The following PPP5C variants were observed in gnomAD, a reference collection of about 807,000 sequenced individuals.
PPP5C encodes serine/threonine-protein phosphatase 5.
Under a neutral mutation model 66.7 loss-of-function variants are expected in PPP5C, and 21 were observed. That is an observed-to-expected ratio of 0.31 (90% CI 0.22 to 0.45). PPP5C has a LOEUF of 0.45. PPP5C is among the 20% of genes least tolerant of loss of function. The pLI, the probability that PPP5C is intolerant of heterozygous loss-of-function variation, is 1.00. For synonymous variants in PPP5C, 246 were observed against 257.4 expected, an observed-to-expected ratio of 0.96 and a Z score of 0.43; for missense variants, 464 against 675.9, an observed-to-expected ratio of 0.69 and a Z score of 3.48.
Position 46,383,645 on chromosome 19 carries a change from GT to G in PPP5C, c.700-132del, listed in dbSNP as rs982453084. The stretch of plus-strand genomic sequence containing the variant: ...TTTCTCTCCTGGCCTCTTGGTCTTC[GT>G]TTGTGTTCCCTGCTTGTGTCTCTTG... On this transcript the variant is annotated intron_variant, in intron 5 of 12. Transcript: ENST00000012443. This position sits in a 1 kb window ranked among gnomAD's most constrained non-coding sequence, Gnocchi z 5.0. The G allele has an allele frequency of 1.4e-4, 147 of 1,030,090 alleles. No homozygotes were observed. In the African/African-American group the frequency reaches 2.2e-3, roughly 16 times the overall value. The allele number at this position is 1,030,090 out of a possible 1,614,324, so 63.8% of individuals were successfully genotyped here.
intron 2 of PPP5C, among the ~76,000 whole-genome samples, chr19:46,370,507 C>T (rs1013644928): frequency 2.0e-5 from 3 of 152,106 alleles, no homozygotes; most frequent in Admixed American, 6.6e-5. Context: ...GAAGGACCTG[C>T]GTGAGGCCCT....
intron 1 of PPP5C, among the ~76,000 whole-genome samples, chr19:46,353,029 G>C (rs1303520593): frequency 6.6e-6 from 1 of 152,182 alleles, no homozygotes; most frequent in Admixed American, 6.5e-5. Flanking sequence ...AAGCCTCTAA[G>C]GCTGTTTAAG....
In PPP5C at chr19:46,388,625, G is replaced by A. The variant is rs748914520; in HGVS notation, c.1249G>A (p.Glu417Lys). ...GPDVTKAFLE[E>K]NNLDYIIRSH... ...TGACGTCACCAAGGCCTTCTTGGAA[G>A]AGAACAACCTGGACTATATCATCCG... The change falls in exon 11 of 13, where the codon GAG becomes AAG. Residue 417 changes from glutamate (E) to lysine (K), a missense_variant. This residue lies in a region of PPP5C where 387 missense variants were observed against 626.0 expected (regional missense o/e 0.62). Transcript: ENST00000012443. This position sits in a 1 kb window ranked among gnomAD's most constrained non-coding sequence, Gnocchi z 4.9. The A allele has an allele frequency of 2.0e-5, 32 of 1,614,080 alleles. No homozygotes were observed. The Middle Eastern group carries it at 4.9e-4, about 25-fold the overall frequency.
rs73043443 is a variant in PPP5C at position 46,360,346 on chromosome 19, C to T, written c.363+6357C>T. Among the ~76,000 whole-genome samples the T allele has an allele frequency of 3.6e-3, 542 of 152,232 alleles. 2 individuals are homozygous for T. In the Middle Eastern group the frequency reaches 0.054, roughly 15 times the overall value. ...AAGATCAGCACCATTTCCTACGTGACAATACTTCCCATATGGTTTTTAACA... is the reference window on the plus strand; with the variant it reads ...AAGATCAGCACCATTTCCTACGTGATAATACTTCCCATATGGTTTTTAACA... On this transcript the variant is annotated intron_variant, in intron 2 of 12. Transcript: ENST00000012443.
Position 46,388,843 on chromosome 19 carries a change from A to C in PPP5C, c.1355+112A>C, listed in dbSNP as rs1047384093. 1.5e-6 allele frequency: 2 copies of C among 1,376,920 alleles called. No homozygotes were observed. The highest frequency in any genetic ancestry group is 2.0e-6 in the Non-Finnish European group (2 of 1,006,594). The allele number at this position is 1,376,920 out of a possible 1,614,324, so 85.3% of individuals were successfully genotyped here. ...TTTCAAAGACAGGCAAGAGCAGATA[A>C]AAGAACATGACGAACACCCCCGTAT... On this transcript the variant is annotated intron_variant, in intron 11 of 12. Coordinates refer to ENST00000012443, the MANE Select transcript of PPP5C (RefSeq NM_006247.4). This position sits in a 1 kb window ranked among gnomAD's most constrained non-coding sequence, Gnocchi z 4.9.
intron 4 of PPP5C, chr19:46,382,272 G>C (rs1394561732): frequency 6.6e-6 from 1 of 152,118 alleles, no homozygotes; most frequent in African/African-American, 2.4e-5. Context: ...CTCGCACCAG[G>C]GTGAAAGCTG....
At chr19:46,352,197 T>C (rs1972198671) in intron 1 of PPP5C, among the ~76,000 whole-genome samples, 1 of 152,156 alleles carries the variant, frequency 6.6e-6, no homozygotes, top group South Asian at 2.1e-4. Flanking sequence ...TGTCTAGGGA[T>C]GGATCTGTCT....
intron 4 of PPP5C, among the ~76,000 whole-genome samples, chr19:46,380,078 G>A (rs1221999958): frequency 1.3e-5 from 2 of 152,176 alleles, no homozygotes; most frequent in Non-Finnish European, 2.9e-5. Context: ...GCCGAGGCAG[G>A]TGAATCACTT....
Position 46,388,302 on chromosome 19 carries a change from A to AGGCTGGGCTGTGGGGTCAGCACCT in PPP5C, c.1136-102_1136-79dup. On this transcript the variant is annotated intron_variant, in intron 9 of 12. Coordinates refer to ENST00000012443, the MANE Select transcript of PPP5C (RefSeq NM_006247.4). This position sits in a 1 kb window ranked among gnomAD's most constrained non-coding sequence, Gnocchi z 4.9. ...GATGTCCCCTGCCCAACACCCACCCAGGCTGGGCTGTGGGGTCAGCACCTG... is the reference window on the plus strand; with the variant it reads ...GATGTCCCCTGCCCAACACCCACCCAGGCTGGGCTGTGGGGTCAGCACCTGGCTGGGCTGTGGGGTCAGCACCTG... 8.0e-7 allele frequency: 1 copy of AGGCTGGGCTGTGGGGTCAGCACCT among 1,254,034 alleles called. No individual in the cohort carries two copies. Among genetic ancestry groups the AGGCTGGGCTGTGGGGTCAGCACCT allele is most frequent in the Admixed American group, 2.6e-5 (1 of 38,012 alleles). The allele number at this position is 1,254,034 out of a possible 1,614,324, so 77.7% of individuals were successfully genotyped here.
Position 46,384,801 on chromosome 19 carries a change from C to G in PPP5C, c.799-3C>G, listed in dbSNP as rs757034510. 3 of 1,611,548 alleles carry G rather than the reference C, an allele frequency of 1.9e-6. No homozygotes were observed. Among genetic ancestry groups the G allele is most frequent in the Non-Finnish European group, 2.5e-6 (3 of 1,177,724 alleles). ...GCTTGCCATGTTTTCCTCAGCAGGA[C>G]AGATATTTAATGGTGACTTTGTGGA... On this transcript the variant is annotated splice_region_variant and splice_polypyrimidine_tract_variant and intron_variant, in intron 6 of 12. Transcript: ENST00000012443.
At chr19:46,349,594 G>A (rs1052277767) in intron 1 of PPP5C, among the ~76,000 whole-genome samples, 1 of 152,108 alleles carries the variant, frequency 6.6e-6, no homozygotes, top group Non-Finnish European at 1.5e-5. Context: ...GGGAATATGG[G>A]TGTCATCCTG....
intron 4 of PPP5C, among the ~76,000 whole-genome samples, chr19:46,381,292 A>G (rs1159523128): frequency 6.6e-6 from 1 of 152,078 alleles, no homozygotes; most frequent in Admixed American, 6.5e-5. Context: ...CACATTTACC[A>G]TGGTTATCTT....
At chr19:46,371,112 G>A (rs1034399165) in intron 2 of PPP5C, among the ~76,000 whole-genome samples, 3 of 151,968 alleles carry the variant, frequency 2.0e-5, no homozygotes, top group Non-Finnish European at 2.9e-5. Context: ...TGTCCCTCAC[G>A]GGGTCCTTTT....
chr19:46,370,373 C>T (rs923007759), intron 2 of PPP5C, among the ~76,000 whole-genome samples: 16 of 152,302 alleles, frequency 1.1e-4, no homozygotes, highest in Middle Eastern at 3.4e-3. Flanking sequence ...CCTAGGCCTA[C>T]GCAGGGTCAG....
At chr19:46,385,333 T>C (rs1276749718) in intron 7 of PPP5C, among the ~76,000 whole-genome samples, 1 of 152,132 alleles carries the variant, frequency 6.6e-6, no homozygotes, top group East Asian at 1.9e-4. Context: ...GTGTCAGATT[T>C]GGGTTCTCTT....
intron 4 of PPP5C, among the ~76,000 whole-genome samples, chr19:46,378,564 ATACTT>A (rs1330636591): frequency 6.6e-6 from 1 of 152,204 alleles, no homozygotes; most frequent in Non-Finnish European, 1.5e-5. Flanking sequence ...AGCTCCGACT[ATACTT>A]GTAGATTTGC....
intron 2 of PPP5C, among the ~76,000 whole-genome samples, chr19:46,354,834 C>A (rs1972255975): frequency 6.6e-6 from 1 of 151,696 alleles, no homozygotes; most frequent in African/African-American, 2.4e-5. Flanking sequence ...CTGCCAGGGA[C>A]AGCAGACAGG....
chr19:46,381,538 G>A (rs1972790907), intron 4 of PPP5C: 1 of 152,156 alleles, frequency 6.6e-6, no homozygotes, highest in South Asian at 2.1e-4. Context: ...CTTGAGCCCA[G>A]TAGTTCAAGA....
At chr19:46,361,147 T>TTTTTTGG in intron 2 of PPP5C, among the ~76,000 whole-genome samples, 1 of 148,530 alleles carries the variant, frequency 6.7e-6, no homozygotes, top group Non-Finnish European at 1.5e-5. Flanking sequence ...TTTTTTTTTT[T>TTTTTTGG]GAGACGGAGT....
Sources: gnomAD v4.1 joint callset for allele counts (sites outside exome capture counted in the v4.1 genomes callset) on GRCh38, gnomAD v4.1.1 for gene constraint, gnomAD v4.1.1 regional missense constraint, Gnocchi (gnomAD v3.1) non-coding constraint, MANE v1.5 for transcripts, NCBI Gene and HGNC (gene_info 2026-07-23, HGNC 2026-07-21) for gene names.